The following TOX3 variants were observed in gnomAD, a reference collection of about 807,000 sequenced individuals.
TOX3 encodes TOX high mobility group box family member 3.
Under a neutral mutation model 64.3 loss-of-function variants are expected in TOX3, and 22 were observed. That is an observed-to-expected ratio of 0.34 (90% confidence interval 0.24 to 0.49). The LOEUF (loss-of-function observed/expected upper bound fraction) is 0.49, where lower values mean the gene tolerates loss of function less well. Among genes scored for constraint, TOX3 ranks in the 20% least tolerant of loss-of-function variants. TOX3 has a pLI of 0.99. For synonymous variants in TOX3, 291 were observed against 273.6 expected (o/e 1.06, Z -0.63); for missense variants, 661 against 714.4 (o/e 0.93, Z 0.85).
chr16:52,445,908 G>T, intron 5 of TOX3, 86 bp downstream of exon 5: 2 of 1,245,598 alleles, frequency 1.6e-6, no homozygotes, highest in Non-Finnish European at 2.3e-6. Context: ...CATATTAAGT[G>T]AACACATGCA....
intron 1 of TOX3, among the ~76,000 whole-genome samples, chr16:52,494,993 T>C (rs1281170933): frequency 6.6e-6 from 1 of 152,188 alleles, no homozygotes; most frequent in Non-Finnish European, 1.5e-5. Context: ...TGAAACAGGC[T>C]TACTACCTGC....
chr16:52,458,000 T>C (rs1050361951), intron 3 of TOX3, among the ~76,000 whole-genome samples: 1 of 152,202 alleles, frequency 6.6e-6, no homozygotes. Context: ...AGTTTACTCA[T>C]GTACCCTGCA....
chr16:52,470,394 G>A (rs1366416749), intron 1 of TOX3, among the ~76,000 whole-genome samples: 7 of 152,008 alleles, frequency 4.6e-5, no homozygotes, highest in Admixed American at 4.6e-4. Flanking sequence ...TTTTGTTGGG[G>A]AATTAGAAAT....
At position 52,465,005 on chromosome 16, in the gene TOX3, C is replaced by CTTTTTTTTTTTTTTTTTTT. The variant is rs1168498170; in HGVS notation, c.154-836_154-818dup. The stretch of plus-strand genomic sequence containing the variant: ...AGACCTAAGTAAGTCTTAATGCATT[C>CTTTTTTTTTTTTTTTTTTT]TTTTTTTTTTTTTTTTTTTTTTTTT... On this transcript the variant is annotated intron_variant, in intron 2 of 6. Transcript: ENST00000219746. Among the ~76,000 whole-genome samples the CTTTTTTTTTTTTTTTTTTT allele has an allele frequency of 2.1e-4, 15 of 70,956 alleles. 3 individuals are homozygous for CTTTTTTTTTTTTTTTTTTT. The highest frequency in any genetic ancestry group is 4.4e-4 in the East Asian group (1 of 2,278). The allele number at this position is 70,956 out of a possible 152,430, so 46.5% of individuals were successfully genotyped here.
At chr16:52,464,297 C>A (rs1404432956) in intron 2 of TOX3, 109 bp from the exon 3 acceptor site, 21 of 1,155,394 alleles carry the variant, frequency 1.8e-5, no homozygotes, top group Non-Finnish European at 2.4e-5. Context: ...CATATCTAGG[C>A]CAAATATTTA....
chr16:52,512,714 C>T (rs1962344096), intron 1 of TOX3, among the ~76,000 whole-genome samples: 1 of 151,802 alleles, frequency 6.6e-6, no homozygotes, highest in Non-Finnish European at 1.5e-5. Flanking sequence ...AGCTGAGACA[C>T]AAATGACAAG....
chr16:52,535,425 G>A (rs1596867251), intron 1 of TOX3, among the ~76,000 whole-genome samples: 1 of 152,088 alleles, frequency 6.6e-6, no homozygotes, highest in Non-Finnish European at 1.5e-5. Context: ...AATCCCCTTC[G>A]TCCTTCTTGC....
intron 1 of TOX3, among the ~76,000 whole-genome samples, chr16:52,541,633 C>T (rs189946570): frequency 4.7e-4 from 72 of 152,344 alleles, no homozygotes; most frequent in Admixed American, 1.8e-3. Flanking sequence ...TCACATCCAG[C>T]TGAGTTTGTG....
At chr16:52,445,910 A>T in intron 5 of TOX3, 84 bp downstream of exon 5, 1 of 1,262,076 alleles carries the variant, frequency 7.9e-7, no homozygotes, top group Admixed American at 2.2e-5. Context: ...TATTAAGTGA[A>T]CACATGCACT....
intron 1 of TOX3, among the ~76,000 whole-genome samples, chr16:52,526,902 C>T (rs1472885548): frequency 1.3e-5 from 2 of 152,184 alleles, no homozygotes; most frequent in African/African-American, 4.8e-5. Context: ...AAGCAAAGAA[C>T]ATTAAATGTT....
In TOX3 at chr16:52,439,896, A is replaced by T. The variant is rs1394590249; in HGVS notation, c.1060T>A (p.Ser354Thr). 2 of 1,612,966 alleles carry T rather than the reference A, an allele frequency of 1.2e-6. No homozygotes were observed. Among genetic ancestry groups the T allele is most frequent in the South Asian group, 2.2e-5 (2 of 90,926 alleles). The change falls in exon 7 of 7, where the codon TCC (serine) becomes ACC (threonine). Residue 354 changes from serine to threonine, a missense_variant. Physicochemically the swap from Ser to Thr is moderately conservative, Grantham distance 58 (BLOSUM62 1). Around this residue, in one of 3 missense-constraint regions of TOX3, gnomAD observed 299 missense variants for 292.1 expected, o/e 1.02. Transcript: ENST00000219746. Reference protein sequence around the residue: ...QQTLASTNLTSSLLLNTPLSQ... With the variant: ...QQTLASTNLTTSLLLNTPLSQ... ...AGTGGAGTGTTGAGAAGGAGAGAGGATGTTAGATTGGTCGACGCCAGGGTC... is the reference window on the plus strand; with the variant it reads ...AGTGGAGTGTTGAGAAGGAGAGAGGTTGTTAGATTGGTCGACGCCAGGGTC...
intron 1 of TOX3, among the ~76,000 whole-genome samples, chr16:52,534,640 A>G (rs1962913559): frequency 6.6e-6 from 1 of 152,114 alleles, no homozygotes; most frequent in African/African-American, 2.4e-5. Flanking sequence ...TGACTCTTAA[A>G]AAAAACAAAA....
chr16:52,525,824 C>A (rs45471096), intron 1 of TOX3, among the ~76,000 whole-genome samples: 3 of 152,022 alleles, frequency 2.0e-5, no homozygotes, highest in African/African-American at 7.2e-5. Flanking sequence ...AAAAGGAAAA[C>A]GATTAGGAAA....
At position 52,455,915 on chromosome 16, in the gene TOX3, G is replaced by A. The variant is rs188671100; in HGVS notation, c.409-5369C>T. ...TGGGGAAATCATGGGATGCTTCCCC[G>A]AAGAGGTGACCTACTATGCTGAGGT... On this transcript the variant is annotated intron_variant, in intron 3 of 6. Coordinates refer to ENST00000219746, the MANE Select transcript of TOX3 (RefSeq NM_001080430.4). 2.6e-4 allele frequency among the ~76,000 whole-genome samples: 39 copies of A among 152,260 alleles called. No individual in the cohort carries two copies. In the East Asian group the frequency reaches 4.3e-3, roughly 17 times the overall value.
At chr16:52,447,231 AG>A (rs1337331088) in intron 4 of TOX3, among the ~76,000 whole-genome samples, 1 of 152,224 alleles carries the variant, frequency 6.6e-6, no homozygotes, top group Non-Finnish European at 1.5e-5. Flanking sequence ...ATAATTTTGC[AG>A]TTAACTTCAT....
At chr16:52,481,007 G>A (rs9937283) in intron 1 of TOX3, among the ~76,000 whole-genome samples, 23 of 152,044 alleles carry the variant, frequency 1.5e-4, no homozygotes, top group South Asian at 1.0e-3. Flanking sequence ...TACAATTCAC[G>A]GGGCGGCCTC....
chr16:52,465,470 G>GT (rs34739813), intron 2 of TOX3, among the ~76,000 whole-genome samples: 3,600 of 103,984 alleles, frequency 0.035, 113 homozygotes, highest in African/African-American at 0.074. Flanking sequence ...TTTCTTTTTG[G>GT]TTTTTTTTTT....
chr16:52,544,458 A>G (rs146080431), intron 1 of TOX3, among the ~76,000 whole-genome samples: 27 of 152,382 alleles, frequency 1.8e-4, no homozygotes, highest in African/African-American at 6.5e-4. Context: ...AAGGAAGTCA[A>G]TACAAAGATC....
At chr16:52,501,325 T>A (rs1468503970) in intron 1 of TOX3, among the ~76,000 whole-genome samples, 1 of 152,236 alleles carries the variant, frequency 6.6e-6, no homozygotes, top group African/African-American at 2.4e-5. Flanking sequence ...CATCCTGATG[T>A]ATTATGTGTA....
Sources: allele counts gnomAD v4.1 joint callset (sites outside exome capture counted in the v4.1 genomes callset), GRCh38; gene constraint gnomAD v4.1.1; regional missense constraint gnomAD v4.1.1; transcripts MANE v1.5; gene names NCBI Gene and HGNC (gene_info 2026-07-23, HGNC 2026-07-21).